The following CDH18 variants were observed in gnomAD, a reference collection of about 807,000 sequenced individuals.
CDH18 encodes cadherin-18.
In CDH18, 31 loss-of-function variants were observed where a neutral mutation model predicts 67.9. The observed-to-expected ratio is 0.46, with a 90% CI of 0.34 to 0.62. The LOEUF is 0.62. CDH18 is among the 20% of genes least tolerant of loss of function. The pLI, the probability that CDH18 is intolerant of heterozygous loss-of-function variation, is 0.01. For missense variants in CDH18, 890 were observed against 975.5 expected, an observed-to-expected ratio of 0.91 and a Z score of 1.17; for synonymous variants, 362 against 347.2, an observed-to-expected ratio of 1.04 and a Z score of -0.48.
At chr5:20,555,434 T>C (rs1581194155) in intron 1 of CDH18, among the ~76,000 whole-genome samples, 8 of 33,534 alleles carry the variant, frequency 2.4e-4, no homozygotes, top group South Asian at 2.4e-3. Flanking sequence ...TTTTTTTTTT[T>C]TTTTTTTTTT....
chr5:19,837,201 T>C (rs1364384700), intron 3 of CDH18, among the ~76,000 whole-genome samples: 1 of 151,616 alleles, frequency 6.6e-6, no homozygotes, highest in Non-Finnish European at 1.5e-5. Context: ...TAAGTGGGGG[T>C]TGAACAATGA....
chr5:19,944,721 C>A (rs1483012451), intron 2 of CDH18, among the ~76,000 whole-genome samples: 2 of 152,096 alleles, frequency 1.3e-5, no homozygotes, highest in Non-Finnish European at 2.9e-5. Context: ...ATTACACATG[C>A]CCAGATGAGA....
At chr5:20,265,958 T>TA (rs1745000510) in intron 1 of CDH18, among the ~76,000 whole-genome samples, 1 of 152,150 alleles carries the variant, frequency 6.6e-6, no homozygotes, top group African/African-American at 2.4e-5. Flanking sequence ...AAGATCTAAA[T>TA]AAACCAAAAA....
chr5:20,333,550 CAT>C (rs397883660), intron 1 of CDH18, among the ~76,000 whole-genome samples: 13,273 of 146,776 alleles, frequency 0.09, 789 homozygotes, highest in Non-Finnish European at 0.13. Flanking sequence ...CACACACACA[CAT>C]ATATGTATAT....
intron 2 of CDH18, among the ~76,000 whole-genome samples, chr5:20,173,864 A>G (rs1737030921): frequency 6.6e-6 from 1 of 152,296 alleles, no homozygotes; most frequent in East Asian, 1.9e-4. Flanking sequence ...AGAGAATATT[A>G]CGATTTTTAA....
intron 1 of CDH18, among the ~76,000 whole-genome samples, chr5:20,544,439 T>G (rs968220828): frequency 6.6e-6 from 1 of 152,116 alleles, no homozygotes; most frequent in African/African-American, 2.4e-5. Flanking sequence ...AGATACTACC[T>G]GAGACTAAGT....
chr5:20,213,126 C>CT (rs1554103246), intron 2 of CDH18, among the ~76,000 whole-genome samples: 1 of 152,068 alleles, frequency 6.6e-6, no homozygotes, highest in Non-Finnish European at 1.5e-5. Context: ...ATATACAACA[C>CT]TTACTTAAAC....
At position 20,036,844 on chromosome 5, in the gene CDH18, A is replaced by G. The variant is rs1463570291; in HGVS notation, c.-517-44830T>C. ...TAGGATAGTTAGCTCTTCTTGTTGC[A>G]TTGATCCCTTTACCATTATGTAATG... On this transcript the variant is annotated intron_variant, in intron 2 of 14. Coordinates refer to the CDH18 transcript ENST00000507958. 2.0e-5 allele frequency among the ~76,000 whole-genome samples: 3 copies of G among 151,964 alleles called. No individual in the cohort carries two copies. In the East Asian group the frequency reaches 5.8e-4, roughly 29 times the overall value.
chr5:20,279,699 CAAA>C (rs1189257278), intron 1 of CDH18, among the ~76,000 whole-genome samples: 3 of 13,594 alleles, frequency 2.2e-4, no homozygotes, highest in African/African-American at 2.6e-4. Flanking sequence ...AGCTCTGTCT[CAAA>C]AAAAAAAAAA....
At position 19,870,077 on chromosome 5, in the gene CDH18, T is replaced by C. The variant is rs568701730; in HGVS notation, c.-256-30835A>G. On this transcript the variant is annotated intron_variant, in intron 2 of 12. Coordinates refer to ENST00000382275, the MANE Select transcript of CDH18 (RefSeq NM_004934.5). ...ATAAACCAAATGAACATATTATTAC[T>C]AGCAGTACAAAAATACGCCTTAGAC... Among the ~76,000 whole-genome samples the C allele has an allele frequency of 1.1e-3, 172 of 152,276 alleles. 1 individual carries two copies. The highest frequency in any genetic ancestry group is 4.0e-3 in the African/African-American group (166 of 41,578).
chr5:19,486,709 C>T (rs1177460146), intron 11 of CDH18, among the ~76,000 whole-genome samples: 1 of 152,076 alleles, frequency 6.6e-6, no homozygotes, highest in African/African-American at 2.4e-5. Context: ...AGGAGAATTG[C>T]TGGAACTCGG....
At chr5:19,550,420 C>A (rs1020588680) in intron 8 of CDH18, among the ~76,000 whole-genome samples, 5 of 152,000 alleles carry the variant, frequency 3.3e-5, no homozygotes, top group East Asian at 1.9e-4. Context: ...CCACTCCCCC[C>A]ACCCCACAAC....
intron 5 of CDH18, among the ~76,000 whole-genome samples, chr5:19,719,921 GAAAGAA>G (rs1183511666): frequency 6.9e-6 from 1 of 145,418 alleles, no homozygotes; most frequent in African/African-American, 2.7e-5. Flanking sequence ...AAGAAAGAAA[GAAAGAA>G]AGAAAGAAAG....
At chr5:20,559,797 C>G (rs1445531919) in intron 1 of CDH18, among the ~76,000 whole-genome samples, 1 of 152,082 alleles carries the variant, frequency 6.6e-6, no homozygotes, top group Non-Finnish European at 1.5e-5. Flanking sequence ...AGTTTGATGT[C>G]TACCCACTAA....
intron 2 of CDH18, among the ~76,000 whole-genome samples, chr5:19,931,150 T>C (rs1430788907): frequency 1.3e-5 from 2 of 151,992 alleles, no homozygotes; most frequent in African/African-American, 4.8e-5. Flanking sequence ...TTAAGAATTA[T>C]TTAAGAATAT....
chr5:20,405,886 C>T (rs1052942514), intron 1 of CDH18, among the ~76,000 whole-genome samples: 3 of 152,102 alleles, frequency 2.0e-5, no homozygotes, highest in African/African-American at 4.8e-5. Context: ...TAATGAGATA[C>T]CATCTCACAC....
At chr5:19,717,588 T>C (rs1410452170) in intron 5 of CDH18, among the ~76,000 whole-genome samples, 3 of 152,180 alleles carry the variant, frequency 2.0e-5, no homozygotes, top group East Asian at 1.9e-4. Flanking sequence ...ACTTGAAATA[T>C]TGATTTATTT....
chr5:20,333,526 T>TACACACACACACACACAC (rs1452450309), intron 1 of CDH18, among the ~76,000 whole-genome samples: 2 of 111,776 alleles, frequency 1.8e-5, no homozygotes, highest in African/African-American at 5.5e-5. Context: ...AAACAATATA[T>TACACACACACACACACAC]ATACACACAC....
chr5:19,757,512 G>A (rs1481777458), intron 3 of CDH18, among the ~76,000 whole-genome samples: 1 of 152,168 alleles, frequency 6.6e-6, no homozygotes, highest in African/African-American at 2.4e-5. Flanking sequence ...TTTGTTCATG[G>A]ACCCATTTGG....
Sources: allele counts gnomAD v4.1 joint callset (sites outside exome capture counted in the v4.1 genomes callset), GRCh38; gene constraint gnomAD v4.1.1; transcripts MANE v1.5; gene names NCBI Gene and HGNC (gene_info 2026-07-23, HGNC 2026-07-21).